GRID1: variants seen among roughly 807,000 people sequenced by gnomAD.
GRID1 encodes the protein glutamate ionotropic receptor delta type subunit 1.
A neutral mutation model predicts 98.0 loss-of-function variants in GRID1; 28 were observed. The observed-to-expected ratio is 0.29, with a 90% CI of 0.21 to 0.39. The LOEUF is 0.39. Among genes scored for constraint, GRID1 ranks in the 10% least tolerant of loss-of-function variants. The pLI, the probability that GRID1 is intolerant of heterozygous loss-of-function variation, is 1.00. For missense variants in GRID1, 1,111 were observed against 1,340.5 expected (o/e 0.83, Z 2.67); for synonymous variants, 553 against 538.5 (o/e 1.03, Z -0.37).
rs200270622 is a variant in GRID1 at position 85,876,970 on chromosome 10, C to G, written c.781-7790G>C. ...AGGAGATTATATCCTGCACCTGGCT[C>G]GGAGGGTCCTACGCCCACGGAGTCT... On this transcript the variant is annotated intron_variant, in intron 5 of 15. Coordinates refer to ENST00000327946, the MANE Select transcript of GRID1 (RefSeq NM_017551.3). 2.3e-3 allele frequency among the ~76,000 whole-genome samples: 348 copies of G among 152,332 alleles called. 3 individuals are homozygous for G. The highest frequency in any genetic ancestry group is 7.9e-3 in the African/African-American group (327 of 41,580).
intron 2 of GRID1, among the ~76,000 whole-genome samples, chr10:86,235,038 A>T (rs1846516136): frequency 6.6e-6 from 1 of 152,228 alleles, no homozygotes; most frequent in Admixed American, 6.5e-5. Context: ...TTTCCCAAAG[A>T]AAATGCAGCT....
chr10:86,087,221 G>A (rs949515056), intron 4 of GRID1, among the ~76,000 whole-genome samples: 1 of 151,998 alleles, frequency 6.6e-6, no homozygotes, highest in Non-Finnish European at 1.5e-5. Context: ...AAGATGGATG[G>A]ATGTGTGTGT....
At chr10:85,742,698 G>A (rs544351119) in intron 8 of GRID1, among the ~76,000 whole-genome samples, 3 of 152,106 alleles carry the variant, frequency 2.0e-5, no homozygotes, top group Admixed American at 6.6e-5. Flanking sequence ...AAAGATGGTT[G>A]TGACAATATT....
At chr10:85,966,987 G>C (rs888154492) in intron 4 of GRID1, among the ~76,000 whole-genome samples, 3 of 152,190 alleles carry the variant, frequency 2.0e-5, no homozygotes, top group South Asian at 2.1e-4. Flanking sequence ...GGAGATAATT[G>C]ACTACTGGGA....
At chr10:85,996,757 A>G (rs1033450438) in intron 4 of GRID1, among the ~76,000 whole-genome samples, 6 of 150,362 alleles carry the variant, frequency 4.0e-5, no homozygotes, top group African/African-American at 7.3e-5. Context: ...TGAACCCAGG[A>G]GGTAGAGGTT....
chr10:85,767,475 A>AAG (rs1234966794), intron 8 of GRID1, among the ~76,000 whole-genome samples: 1 of 152,222 alleles, frequency 6.6e-6, no homozygotes, highest in Non-Finnish European at 1.5e-5. Flanking sequence ...ATATACAAGC[A>AAG]GCATGCTTAT....
chr10:86,317,572 C>A (rs576437612), intron 2 of GRID1, among the ~76,000 whole-genome samples: 1 of 152,108 alleles, frequency 6.6e-6, no homozygotes, highest in South Asian at 2.1e-4. Context: ...GCTGGGATGG[C>A]AGGAAGAAGA....
chr10:86,222,409 C>A (rs566654112), intron 2 of GRID1, among the ~76,000 whole-genome samples: 90 of 152,306 alleles, frequency 5.9e-4, no homozygotes, highest in African/African-American at 2.0e-3. Context: ...TCGGTGCCAT[C>A]TGAGTGCCCA....
At chr10:86,007,003 C>A (rs192169733) in intron 4 of GRID1, among the ~76,000 whole-genome samples, 2 of 151,958 alleles carry the variant, frequency 1.3e-5, no homozygotes, top group South Asian at 2.1e-4. Context: ...CGTCCTTGGG[C>A]GGGAGGATGG....
intron 4 of GRID1, among the ~76,000 whole-genome samples, chr10:86,129,022 T>C (rs559577057): frequency 3.3e-5 from 5 of 152,328 alleles, no homozygotes; most frequent in African/African-American, 1.2e-4. Context: ...AGAAAGGGGC[T>C]GGGTCTGCCT....
chr10:85,701,099 T>C (rs1403148704), intron 12 of GRID1, among the ~76,000 whole-genome samples: 1 of 152,176 alleles, frequency 6.6e-6, no homozygotes, highest in Non-Finnish European at 1.5e-5. Context: ...GGAAGGCTGC[T>C]ACCTACTTAT....
intron 4 of GRID1, among the ~76,000 whole-genome samples, chr10:86,050,497 A>G (rs1245875479): frequency 6.6e-6 from 1 of 152,232 alleles, no homozygotes; most frequent in South Asian, 2.1e-4. Flanking sequence ...AAAATTTAAC[A>G]AGAGTGCAGT....
At chr10:86,112,749 T>C (rs1187779744) in intron 4 of GRID1, among the ~76,000 whole-genome samples, 2 of 152,164 alleles carry the variant, frequency 1.3e-5, no homozygotes, top group Admixed American at 6.5e-5. Flanking sequence ...TTTCCACTGA[T>C]ATGTTTTCTA....
intron 2 of GRID1, among the ~76,000 whole-genome samples, chr10:86,326,566 A>G (rs902459970): frequency 3.9e-5 from 6 of 152,254 alleles, no homozygotes; most frequent in African/African-American, 1.4e-4. Context: ...CCAAAATTAA[A>G]ATTTAAAGCC....
At chr10:86,052,458 C>G (rs112725912) in intron 4 of GRID1, 1 of 152,144 alleles carries the variant, frequency 6.6e-6, no homozygotes, top group Non-Finnish European at 1.5e-5. Context: ...GTCTGTGGCC[C>G]TACCACCCTG....
At chr10:85,772,236 G>GA (rs1177957155) in intron 8 of GRID1, among the ~76,000 whole-genome samples, 1 of 152,022 alleles carries the variant, frequency 6.6e-6, no homozygotes, top group Non-Finnish European at 1.5e-5. Context: ...GGTACATAAC[G>GA]AAATGAAGGC....
intron 2 of GRID1, among the ~76,000 whole-genome samples, chr10:86,341,308 G>T (rs1431823763): frequency 2.0e-5 from 3 of 152,106 alleles, no homozygotes; most frequent in Non-Finnish European, 4.4e-5. Context: ...AGCTCTGGAT[G>T]CCCCAGAGCC....
intron 4 of GRID1, among the ~76,000 whole-genome samples, chr10:85,966,540 A>AT (rs1451720299): frequency 6.6e-6 from 1 of 152,180 alleles, no homozygotes; most frequent in Admixed American, 6.5e-5. Flanking sequence ...CTGGCCAGAT[A>AT]CGGTGGCTCA....
At chr10:86,052,130 A>T (rs1458792780) in intron 4 of GRID1, among the ~76,000 whole-genome samples, 1 of 152,226 alleles carries the variant, frequency 6.6e-6, no homozygotes, top group African/African-American at 2.4e-5. Flanking sequence ...AGCCTTTCTA[A>T]TACGGAAATA....
Sources: gnomAD v4.1 joint callset for allele counts (sites outside exome capture counted in the v4.1 genomes callset) on GRCh38, gnomAD v4.1.1 for gene constraint, MANE v1.5 for transcripts, NCBI Gene and HGNC (gene_info 2026-07-23, HGNC 2026-07-21) for gene names.